Variants in WWOX observed in about 807,000 individuals in gnomAD.
WWOX encodes WW domain containing oxidoreductase.
A neutral mutation model predicts 46.2 loss-of-function variants in WWOX; 69 were observed. That is an observed-to-expected ratio of 1.49 (90% CI 1.23 to 1.82). WWOX has a LOEUF of 1.82. Among genes scored for constraint, WWOX ranks in the 40% most tolerant of loss-of-function variants. The probability of loss-of-function intolerance (pLI) is 0.00; values close to 1 mark genes in which losing one functional copy is unlikely to be tolerated. For missense variants in WWOX, 919 were observed against 542.6 expected, an observed-to-expected ratio of 1.69 and a Z score of -6.89; for synonymous variants, 359 against 202.6, an observed-to-expected ratio of 1.77 and a Z score of -6.56.
chr16:78,767,014 C>T (rs2049938664), intron 8 of WWOX, among the ~76,000 whole-genome samples: 1 of 152,144 alleles, frequency 6.6e-6, no homozygotes, highest in Non-Finnish European at 1.5e-5. Context: ...CAAGGTCAAT[C>T]CATATTGTAG....
chr16:78,471,027 G>A (rs2084207592), intron 8 of WWOX, among the ~76,000 whole-genome samples: 1 of 152,196 alleles, frequency 6.6e-6, no homozygotes, highest in South Asian at 2.1e-4. Flanking sequence ...TCTATAAAAT[G>A]GTGTGGCATT....
chr16:79,110,323 A>T (rs1051069636), intron 8 of WWOX, among the ~76,000 whole-genome samples: 3 of 151,856 alleles, frequency 2.0e-5, no homozygotes, highest in African/African-American at 7.3e-5. Flanking sequence ...TTTCTCCCCG[A>T]CATGCCCCTG....
chr16:78,128,172 A>T (rs2033438626), intron 4 of WWOX, among the ~76,000 whole-genome samples: 1 of 152,194 alleles, frequency 6.6e-6, no homozygotes, highest in Non-Finnish European at 1.5e-5. Flanking sequence ...GAAAGAATAA[A>T]ATAAGAGCTC....
intron 8 of WWOX, among the ~76,000 whole-genome samples, chr16:78,859,398 G>A (rs1241316416): frequency 6.6e-6 from 1 of 152,052 alleles, no homozygotes; most frequent in Non-Finnish European, 1.5e-5. Flanking sequence ...GTACCTTGCA[G>A]TACTTTTGGG....
In WWOX at chr16:78,829,554, A is replaced by AT. The variant is rs558220795; in HGVS notation, c.1057-382044dup. Among the ~76,000 whole-genome samples the AT allele has an allele frequency of 1.0e-3, 150 of 149,356 alleles. 1 individual carries two copies. In the South Asian group the frequency reaches 0.024, roughly 24 times the overall value. On this transcript the variant is annotated intron_variant, in intron 8 of 8. Coordinates refer to ENST00000566780, the MANE Select transcript of WWOX (RefSeq NM_016373.4). ...TGGCCCAGTCAAGTTGACACCTACA[A>AT]TTTTTTTTTTGCCTTCTTTTTATTT...
At chr16:78,936,272 C>T (rs935388020) in intron 8 of WWOX, among the ~76,000 whole-genome samples, 2 of 152,114 alleles carry the variant, frequency 1.3e-5, no homozygotes, top group Non-Finnish European at 2.9e-5. Flanking sequence ...GGGCCTTCAA[C>T]CCTTGGACAG....
At chr16:78,567,779 T>C (rs959994029) in intron 8 of WWOX, among the ~76,000 whole-genome samples, 9 of 151,960 alleles carry the variant, frequency 5.9e-5, no homozygotes, top group Non-Finnish European at 1.2e-4. Flanking sequence ...CTCCCGCAAC[T>C]GGGCCACCAA....
chr16:78,354,235 C>A (rs933247267), intron 5 of WWOX, among the ~76,000 whole-genome samples: 2 of 151,796 alleles, frequency 1.3e-5, no homozygotes, highest in Non-Finnish European at 2.9e-5. Context: ...AGCACCCCCC[C>A]ACCCCTGCCA....
intron 5 of WWOX, among the ~76,000 whole-genome samples, chr16:78,349,826 A>T (rs976507625): frequency 8.3e-6 from 1 of 120,406 alleles, no homozygotes; most frequent in African/African-American, 2.8e-5. Flanking sequence ...GAAAACAATG[A>T]CTCAACTTTG....
intron 5 of WWOX, among the ~76,000 whole-genome samples, chr16:78,233,517 T>C (rs372442896): frequency 6.2e-4 from 88 of 141,452 alleles, no homozygotes; most frequent in African/African-American, 2.3e-3. Flanking sequence ...TTTCCTTTGA[T>C]GATTAAATTT....
At chr16:79,070,021 C>G (rs1026335329) in intron 8 of WWOX, among the ~76,000 whole-genome samples, 1 of 152,184 alleles carries the variant, frequency 6.6e-6, no homozygotes, top group African/African-American at 2.4e-5. Flanking sequence ...CTGTGAAAAA[C>G]AATTTATTTC....
intron 8 of WWOX, among the ~76,000 whole-genome samples, chr16:79,136,619 G>A (rs1439339875): frequency 6.6e-6 from 1 of 152,190 alleles, no homozygotes; most frequent in East Asian, 1.9e-4. Flanking sequence ...AAAGCTACCT[G>A]CCCTTCACTG....
intron 5 of WWOX, among the ~76,000 whole-genome samples, chr16:78,281,358 G>A (rs2079675035): frequency 6.6e-6 from 1 of 152,188 alleles, no homozygotes; most frequent in Non-Finnish European, 1.5e-5. Context: ...AGCAGACTGG[G>A]TGGGTGGAGG....
rs915813217 is a variant in WWOX at position 79,072,116 on chromosome 16, C to G, written c.1057-139492C>G. The stretch of plus-strand genomic sequence containing the variant: ...TGGCCAAAACAGTGAGACTCCATCT[C>G]TACAAAAAAAGAAAAATAAATTAGT... On this transcript the variant is annotated intron_variant, in intron 8 of 8. Coordinates refer to ENST00000566780, the MANE Select transcript of WWOX (RefSeq NM_016373.4). Among the ~76,000 whole-genome samples, 5 of 151,944 alleles carry G rather than the reference C, an allele frequency of 3.3e-5. No homozygotes were observed. The East Asian group carries it at 7.7e-4, about 23-fold the overall frequency.
intron 8 of WWOX, among the ~76,000 whole-genome samples, chr16:79,058,433 G>A (rs2048304468): frequency 2.0e-5 from 3 of 152,034 alleles, no homozygotes; most frequent in South Asian, 2.1e-4. Context: ...TATTGAAAGG[G>A]AATGATGAAT....
At chr16:78,334,811 C>CACACACACACACACACACACAT (rs879274898) in intron 5 of WWOX, among the ~76,000 whole-genome samples, 1 of 78,968 alleles carries the variant, frequency 1.3e-5, no homozygotes, top group Non-Finnish European at 3.1e-5. Context: ...CACACACGCA[C>CACACACACACACACACACACAT]ACACACACAC....
intron 8 of WWOX, among the ~76,000 whole-genome samples, chr16:78,733,486 GC>G (rs2049012434): frequency 6.6e-6 from 1 of 151,640 alleles, no homozygotes; most frequent in African/African-American, 2.4e-5. Context: ...GGTGGCTCAT[GC>G]CTGTAATCCC....
intron 8 of WWOX, chr16:78,506,467 T>A (rs1038037587): frequency 2.6e-5 from 4 of 152,160 alleles, no homozygotes; most frequent in African/African-American, 9.7e-5. Flanking sequence ...ATTCAGAGTC[T>A]CCAAGACTGC....
rs71137871 is a variant in WWOX at position 78,101,346 on chromosome 16, CT to C, written c.107+1478del. 1.0e-3 allele frequency among the ~76,000 whole-genome samples: 69 copies of C among 66,838 alleles called. 2 individuals are homozygous for C. The highest frequency in any genetic ancestry group is 1.5e-3 in the Admixed American group (6 of 4,002). 43.8% of individuals were successfully genotyped at this position (66,838 alleles called of 152,430 possible). On this transcript the variant is annotated intron_variant, in intron 1 of 8. Transcript: ENST00000566780. ...ACAGGCGTGAGCTACCGCTCCCGGC[CT>C]TTTTTTTTTTTTTTTTAAAGACAGG...
Sources: gnomAD v4.1 joint callset for allele counts (sites outside exome capture counted in the v4.1 genomes callset) on GRCh38, gnomAD v4.1.1 for gene constraint, MANE v1.5 for transcripts, NCBI Gene and HGNC (gene_info 2026-07-23, HGNC 2026-07-21) for gene names.